MTAP: variants seen among roughly 807,000 people sequenced by gnomAD.
The protein encoded by MTAP is methylthioadenosine phosphorylase.
MTAP carries 33 observed loss-of-function variants against 33.6 expected under a neutral mutation model. The observed-to-expected ratio is 0.98, with a 90% CI of 0.74 to 1.31. MTAP has a LOEUF of 1.31. MTAP is among the 40% of genes most tolerant of loss of function. The pLI is 0.00. For missense variants in MTAP, 367 were observed against 360.0 expected (o/e 1.02, Z -0.16); for synonymous variants, 148 against 125.7 (o/e 1.18, Z -1.19).
chr9:21,816,288 C>A (rs1311818042), intron 2 of MTAP, among the ~76,000 whole-genome samples: 5 of 152,198 alleles, frequency 3.3e-5, no homozygotes, highest in African/African-American at 1.2e-4. Flanking sequence ...TTTCCATGAT[C>A]ATCTTAGACC....
chr9:21,904,387 G>A (rs181277273), intron 1 of MTAP, among the ~76,000 whole-genome samples: 1 of 152,226 alleles, frequency 6.6e-6, no homozygotes, highest in African/African-American at 2.4e-5. Context: ...CCTAGCCAGG[G>A]ACCACGACCT....
intron 1 of MTAP, among the ~76,000 whole-genome samples, chr9:21,898,863 C>T (rs1192978656): frequency 2.6e-5 from 4 of 152,100 alleles, no homozygotes; most frequent in Non-Finnish European, 5.9e-5. Flanking sequence ...TACCATCTGA[C>T]CCAGCCATCC....
downstream of MTAP, among the ~76,000 whole-genome samples, chr9:21,940,563 G>A (rs968171435): frequency 3.3e-5 from 5 of 152,038 alleles, no homozygotes; most frequent in South Asian, 2.1e-4. Flanking sequence ...GACTTCTACC[G>A]AGCTGACTAC....
downstream of MTAP, among the ~76,000 whole-genome samples, chr9:21,869,080 T>C (rs4977736): frequency 6.6e-6 from 1 of 152,028 alleles, no homozygotes; most frequent in Non-Finnish European, 1.5e-5. Flanking sequence ...TTCTCCTTAT[T>C]ATTGAATCAC....
At position 21,864,058 on chromosome 9, in the gene MTAP, T is replaced by G; in HGVS notation, c.*2044T>G. On this transcript the variant is annotated 3_prime_UTR_variant, in exon 8 of 8. Coordinates refer to ENST00000644715, the MANE Select transcript of MTAP (RefSeq NM_002451.4). The stretch of plus-strand genomic sequence containing the variant: ...ATGATACATAGATGGTACCTTACTT[T>G]TCCTCATTCTTAATAGGTGTCTAAG... 1.0e-6 allele frequency: 1 copy of G among 985,486 alleles called. No homozygotes were observed. The highest frequency in any genetic ancestry group is 1.2e-6 in the Non-Finnish European group (1 of 829,926). The allele number at this position is 985,486 out of a possible 1,614,324, so 61.0% of individuals were successfully genotyped here. A position where few individuals can be genotyped will look rare whatever the true frequency, so the allele number is the denominator to read the frequency against.
chr9:21,878,043 T>C lies in MTAP; in HGVS notation c.147+23173T>C, dbSNP rs186911626. ...ACTGCTTCAATTTCAGAACTCATTATTGTTCTGTTCAGAGATTTAATTTAT... is the reference window on the plus strand; with the variant it reads ...ACTGCTTCAATTTCAGAACTCATTACTGTTCTGTTCAGAGATTTAATTTAT... On this transcript the variant is annotated intron_variant, in intron 1 of 1. Coordinates refer to the MTAP transcript ENST00000577563. Among the ~76,000 whole-genome samples the C allele has an allele frequency of 1.7e-3, 261 of 152,290 alleles. 2 individuals carry two copies. Among genetic ancestry groups the C allele is most frequent in the African/African-American group, 6.1e-3 (255 of 41,570 alleles).
chr9:21,903,256 G>A (rs1381083346), intron 1 of MTAP, among the ~76,000 whole-genome samples: 1 of 152,194 alleles, frequency 6.6e-6, no homozygotes, highest in African/African-American at 2.4e-5. Context: ...ACTTAGGCTT[G>A]CTGCAAAACG....
At chr9:21,925,108 G>T (rs983277018) in intron 1 of MTAP, among the ~76,000 whole-genome samples, 3 of 152,182 alleles carry the variant, frequency 2.0e-5, no homozygotes, top group South Asian at 2.1e-4. Flanking sequence ...TACCCATGGG[G>T]GCATATGGGC....
rs139610035 is a variant in MTAP, at chr9:21,900,814, C to A, written c.148-30194C>A. ...GGGTAAAGAAAAAGAGGTAAATATACATCACGCAATACTATGCAGCCATGA... is the reference window on the plus strand; with the variant it reads ...GGGTAAAGAAAAAGAGGTAAATATAAATCACGCAATACTATGCAGCCATGA... On this transcript the variant is annotated intron_variant, in intron 1 of 1. Transcript: ENST00000577563. 1.0e-3 allele frequency among the ~76,000 whole-genome samples: 157 copies of A among 152,316 alleles called. 1 individual carries two copies. In the East Asian group the frequency reaches 0.026, roughly 25 times the overall value.
intron 1 of MTAP, among the ~76,000 whole-genome samples, chr9:21,911,144 AC>A (rs1302640330): frequency 6.6e-6 from 1 of 152,162 alleles, no homozygotes; most frequent in Admixed American, 6.5e-5. Context: ...GTCCTTAGAG[AC>A]CTACAAAGAG....
intron 1 of MTAP, among the ~76,000 whole-genome samples, chr9:21,877,054 C>A (rs1826022057): frequency 6.6e-6 from 1 of 152,056 alleles, no homozygotes; most frequent in Admixed American, 6.6e-5. Flanking sequence ...TTTTGTAATT[C>A]TCCTTGTGGA....
chr9:21,900,944 C>T (rs1696000829), intron 1 of MTAP, among the ~76,000 whole-genome samples: 1 of 152,178 alleles, frequency 6.6e-6, no homozygotes, highest in Non-Finnish European at 1.5e-5. Context: ...CATATTCTCA[C>T]TTATAAGTAG....
At chr9:21,940,437 A>C (rs544775324), downstream of MTAP, among the ~76,000 whole-genome samples, 1 of 152,286 alleles carries the variant, frequency 6.6e-6, no homozygotes, top group East Asian at 1.9e-4. Flanking sequence ...TATTAGTAGA[A>C]AACTATAGCA....
At chr9:21,897,706 A>C (rs1001008071) in intron 1 of MTAP, among the ~76,000 whole-genome samples, 2 of 152,250 alleles carry the variant, frequency 1.3e-5, no homozygotes, top group African/African-American at 2.4e-5. Context: ...GAAGAACTAG[A>C]AACCACTGCT....
chr9:21,939,178 C>T (rs1819093967), downstream of MTAP, among the ~76,000 whole-genome samples: 1 of 152,130 alleles, frequency 6.6e-6, no homozygotes, highest in East Asian at 1.9e-4. Context: ...TGCCTTTCAG[C>T]TCCCGCCATA....
chr9:21,906,713 A>C (rs1039347226), intron 1 of MTAP, among the ~76,000 whole-genome samples: 1 of 152,248 alleles, frequency 6.6e-6, no homozygotes, highest in African/African-American at 2.4e-5. Flanking sequence ...TTTAGCTTAA[A>C]TTAAAAGCAA....
At chr9:21,916,219 C>T (rs1032815782) in intron 1 of MTAP, among the ~76,000 whole-genome samples, 2 of 152,100 alleles carry the variant, frequency 1.3e-5, no homozygotes, top group Admixed American at 6.5e-5. Flanking sequence ...AATGTGGCCT[C>T]ATTTGGAAAT....
intron 1 of MTAP, among the ~76,000 whole-genome samples, chr9:21,903,134 T>C (rs1818418888): frequency 1.3e-5 from 2 of 152,164 alleles, no homozygotes; most frequent in African/African-American, 4.8e-5. Flanking sequence ...TTCTGTAGCA[T>C]TGAATGGGGC....
intron 1 of MTAP, among the ~76,000 whole-genome samples, chr9:21,885,779 G>GGTGTGTGTGT (rs34691018): frequency 2.4e-3 from 351 of 144,434 alleles, no homozygotes; most frequent in East Asian, 3.1e-3. Flanking sequence ...AGTATTACAT[G>GGTGTGTGTGT]GTGTGTGTGT....
Sources: allele counts gnomAD v4.1 joint callset (sites outside exome capture counted in the v4.1 genomes callset), GRCh38; gene constraint gnomAD v4.1.1; transcripts MANE v1.5; gene names NCBI Gene and HGNC (gene_info 2026-07-23, HGNC 2026-07-21).